The following OXCT1 variants were observed in gnomAD, a reference collection of about 807,000 sequenced individuals.
OXCT1 encodes succinyl-CoA:3-ketoacid coenzyme A transferase 1, mitochondrial.
Under a neutral mutation model 69.6 loss-of-function variants are expected in OXCT1, and 27 were observed. That is an observed-to-expected ratio of 0.39 (90% CI 0.29 to 0.54). OXCT1 has a LOEUF of 0.54. Among genes scored for constraint, OXCT1 ranks in the 20% least tolerant of loss-of-function variants. The probability of loss-of-function intolerance (pLI) is 0.72; values close to 1 mark genes in which losing one functional copy is unlikely to be tolerated. For synonymous variants in OXCT1, 202 were observed against 217.8 expected, an observed-to-expected ratio of 0.93 and a Z score of 0.64; for missense variants, 437 against 650.2, an observed-to-expected ratio of 0.67 and a Z score of 3.57.
chr5:41,796,381 T>A (rs1490245922), intron 11 of OXCT1, among the ~76,000 whole-genome samples: 1 of 152,154 alleles, frequency 6.6e-6, no homozygotes, highest in African/African-American at 2.4e-5. Flanking sequence ...GGCCTCAGTA[T>A]AATAGGGCAG....
At chr5:41,780,277 G>T (rs1745332754) in intron 13 of OXCT1, among the ~76,000 whole-genome samples, 1 of 152,130 alleles carries the variant, frequency 6.6e-6, no homozygotes, top group South Asian at 2.1e-4. Flanking sequence ...TTGACTATTT[G>T]TATTAAAAAA....
intron 13 of OXCT1, 92 bp downstream of exon 13, chr5:41,793,911 A>T: frequency 1.3e-6 from 1 of 797,530 alleles, no homozygotes; most frequent in Non-Finnish European, 2.2e-6. Flanking sequence ...TTTCATTTTT[A>T]AAGAATCGTG....
At chr5:41,815,555 A>C (rs568439967) in intron 7 of OXCT1, among the ~76,000 whole-genome samples, 1 of 152,224 alleles carries the variant, frequency 6.6e-6, no homozygotes, top group South Asian at 2.1e-4. Flanking sequence ...CAATATTCTA[A>C]ATATCTATAT....
rs917540329 is a variant in OXCT1 at position 41,818,655 on chromosome 5, T to G, written c.733-11217A>C. Reference sequence around the variant, plus strand: ...TCTCGCTTTTATTAATTTTTGGTTGTGTACCTGGATTTTCAAGGGGCCTAG... The same window carrying G: ...TCTCGCTTTTATTAATTTTTGGTTGGGTACCTGGATTTTCAAGGGGCCTAG... On this transcript the variant is annotated intron_variant, in intron 7 of 16. Coordinates refer to ENST00000196371, the MANE Select transcript of OXCT1 (RefSeq NM_000436.4). Among the ~76,000 whole-genome samples the G allele has an allele frequency of 9.2e-5, 14 of 152,300 alleles. 1 individual carries two copies. In the South Asian group the frequency reaches 1.7e-3, roughly 18 times the overall value.
intron 2 of OXCT1, among the ~76,000 whole-genome samples, chr5:41,861,871 G>T (rs1277751545): frequency 2.6e-5 from 4 of 152,162 alleles, no homozygotes; most frequent in Non-Finnish European, 5.9e-5. Flanking sequence ...TTACTTGAAT[G>T]AGTGGAGATC....
chr5:41,744,049 G>C (rs1485914469), intron 15 of OXCT1, among the ~76,000 whole-genome samples: 1 of 152,118 alleles, frequency 6.6e-6, no homozygotes, highest in East Asian at 1.9e-4. Flanking sequence ...GGATAGCATT[G>C]AATCTATAAA....
intron 13 of OXCT1, among the ~76,000 whole-genome samples, chr5:41,767,487 G>A (rs1440722569): frequency 6.6e-6 from 1 of 151,484 alleles, no homozygotes; most frequent in Non-Finnish European, 1.5e-5. Flanking sequence ...TCTTGTTCCT[G>A]TTCTCTCAGG....
intron 14 of OXCT1, among the ~76,000 whole-genome samples, chr5:41,752,466 C>T (rs1452802058): frequency 6.6e-6 from 1 of 151,972 alleles, no homozygotes; most frequent in East Asian, 1.9e-4. Flanking sequence ...ATTAAAAATG[C>T]TTTGTGCATG....
intron 7 of OXCT1, among the ~76,000 whole-genome samples, chr5:41,825,668 A>G (rs1747771933): frequency 6.6e-6 from 1 of 152,270 alleles, no homozygotes; most frequent in African/African-American, 2.4e-5. Flanking sequence ...AAAGAACAAC[A>G]GATGTGACTT....
At chr5:41,747,046 A>G (rs1239170407) in intron 15 of OXCT1, among the ~76,000 whole-genome samples, 2 of 152,258 alleles carry the variant, frequency 1.3e-5, no homozygotes, top group East Asian at 3.9e-4. Flanking sequence ...CCCGCTTTAC[A>G]TAAAAGCTTA....
chr5:41,772,576 G>T (rs1185439318), intron 13 of OXCT1, among the ~76,000 whole-genome samples: 1 of 152,166 alleles, frequency 6.6e-6, no homozygotes, highest in Admixed American at 6.5e-5. Flanking sequence ...CTGGGTGGAA[G>T]AATACAAAGT....
chr5:41,817,266 C>T (rs551575441), intron 7 of OXCT1, among the ~76,000 whole-genome samples: 2 of 152,226 alleles, frequency 1.3e-5, no homozygotes, highest in Admixed American at 1.3e-4. Context: ...AAAGAAAGTA[C>T]TGGATTTGAA....
chr5:41,826,274 G>A (rs1747803754), intron 7 of OXCT1, among the ~76,000 whole-genome samples: 1 of 152,102 alleles, frequency 6.6e-6, no homozygotes, highest in Non-Finnish European at 1.5e-5. Flanking sequence ...AAGATTTTAG[G>A]AATCGGAGGC....
intron 13 of OXCT1, among the ~76,000 whole-genome samples, chr5:41,787,877 T>C (rs1745720767): frequency 6.6e-6 from 1 of 151,956 alleles, no homozygotes; most frequent in South Asian, 2.1e-4. Flanking sequence ...TCTATAGAAT[T>C]TGTGCTACAA....
chr5:41,758,928 G>A (rs1744214093), intron 14 of OXCT1, among the ~76,000 whole-genome samples: 1 of 152,038 alleles, frequency 6.6e-6, no homozygotes. Context: ...CAGTCACTGG[G>A]TTTATCTGTG....
chr5:41,753,258 A>T (rs1347708961), intron 14 of OXCT1, among the ~76,000 whole-genome samples: 1 of 151,628 alleles, frequency 6.6e-6, no homozygotes, highest in Admixed American at 6.6e-5. Context: ...TGCTTGTTAA[A>T]TGTGGCTGCA....
chr5:41,816,853 C>G (rs1747269150), intron 7 of OXCT1, among the ~76,000 whole-genome samples: 1 of 152,128 alleles, frequency 6.6e-6, no homozygotes, highest in South Asian at 2.1e-4. Context: ...TGAGTGAAAA[C>G]TTAACTTTTC....
intron 16 of OXCT1, among the ~76,000 whole-genome samples, chr5:41,737,703 T>C (rs371499608): frequency 2.0e-5 from 3 of 152,294 alleles, no homozygotes; most frequent in African/African-American, 4.8e-5. Flanking sequence ...AAGACCTTGG[T>C]AGAGTACCAG....
chr5:41,861,232 C>A, intron 3 of OXCT1, 82 bp downstream of exon 3: 1 of 962,802 alleles, frequency 1.0e-6, no homozygotes, highest in Non-Finnish European at 1.7e-6. Context: ...TAGGAGAAAA[C>A]TTCATTTCAT....
Sources: allele counts gnomAD v4.1 joint callset (sites outside exome capture counted in the v4.1 genomes callset), GRCh38; gene constraint gnomAD v4.1.1; transcripts MANE v1.5; gene names NCBI Gene and HGNC (gene_info 2026-07-23, HGNC 2026-07-21).